The following FGF14 variants were observed in gnomAD, a reference collection of about 807,000 sequenced individuals.
FGF14 encodes the protein fibroblast growth factor homologous factor 4.
FGF14 carries 5 observed loss-of-function variants against 25.5 expected under a neutral mutation model. The observed-to-expected ratio is 0.20, with a 90% CI of 0.10 to 0.41. The LOEUF is 0.41. Among genes scored for constraint, FGF14 ranks in the 10% least tolerant of loss-of-function variants. The pLI is 1.00. For missense variants in FGF14, 222 were observed against 320.1 expected, an observed-to-expected ratio of 0.69 and a Z score of 2.34; for synonymous variants, 138 against 118.3, an observed-to-expected ratio of 1.17 and a Z score of -1.08.
intron 1 of FGF14, among the ~76,000 whole-genome samples, chr13:102,070,957 ACACAC>A: frequency 3.2e-5 from 1 of 31,548 alleles, no homozygotes; most frequent in East Asian, 2.0e-3. Flanking sequence ...ACAAAACAAA[ACACAC>A]ACACACACAC....
In FGF14 at chr13:102,178,267, A is replaced by G. The variant is rs1254968839; in HGVS notation, c.208+223204T>C. On this transcript the variant is annotated intron_variant, in intron 1 of 4. Coordinates refer to the FGF14 transcript ENST00000376131. ...ACCAAAACTTTCCAAAGTGAATCGT[A>G]ATTTTCACGTCCTGGAAAATGTGAC... Among the ~76,000 whole-genome samples, 3 of 152,234 alleles carry G rather than the reference A, an allele frequency of 2.0e-5. 1 individual carries two copies. Among genetic ancestry groups the G allele is most frequent in the Admixed American group, 2.0e-4 (3 of 15,284 alleles).
chr13:102,394,013 A>G (rs2058500036), intron 1 of FGF14, among the ~76,000 whole-genome samples: 1 of 152,242 alleles, frequency 6.6e-6, no homozygotes, highest in Admixed American at 6.5e-5. Flanking sequence ...CTAGAATATT[A>G]GAGCTGGGGC....
At chr13:102,117,479 T>A (rs2045527555) in intron 1 of FGF14, among the ~76,000 whole-genome samples, 1 of 152,194 alleles carries the variant, frequency 6.6e-6, no homozygotes, top group African/African-American at 2.4e-5. Flanking sequence ...AGGAATCACT[T>A]GGAGAGCTTT....
At chr13:102,179,668 C>A (rs1001001420) in intron 1 of FGF14, among the ~76,000 whole-genome samples, 15 of 152,106 alleles carry the variant, frequency 9.9e-5, no homozygotes, top group African/African-American at 3.6e-4. Flanking sequence ...TGTGAAGTAG[C>A]AGATCCCAAA....
At chr13:102,013,175 C>CA (rs1169323051) in intron 1 of FGF14, among the ~76,000 whole-genome samples, 2 of 151,592 alleles carry the variant, frequency 1.3e-5, no homozygotes, top group Non-Finnish European at 2.9e-5. Context: ...AAGAAACAAA[C>CA]AAAAAACACC....
rs1228120184 is a variant in FGF14, at chr13:101,718,944, G to A, written c.*3887C>T. The A allele has an allele frequency of 6.6e-6, 1 of 151,956 alleles. No homozygotes were observed. The highest frequency in any genetic ancestry group is 1.9e-4 in the East Asian group (1 of 5,160). 9.4% of individuals were successfully genotyped at this position (151,956 alleles called of 1,614,324 possible). ...ACTATTTCACTCAAAGTAAGACCAT[G>A]TACATCCTGGATTTTGATATGCCTG... On this transcript the variant is annotated 3_prime_UTR_variant, in exon 5 of 5. Transcript: ENST00000376143.
chr13:102,093,838 G>T lies in FGF14; in HGVS notation c.209-218542C>A, dbSNP rs554730637. Among the ~76,000 whole-genome samples the T allele has an allele frequency of 1.7e-4, 26 of 151,456 alleles. No homozygotes were observed. In the East Asian group the frequency reaches 2.9e-3, roughly 17 times the overall value. ...TAAAAAAAAAAAAAAAGGAAGGAGA[G>T]AGGAGAGGAGATAAGACTCATGAAG... On this transcript the variant is annotated intron_variant, in intron 1 of 4. Transcript: ENST00000376131.
At chr13:102,095,439 A>C (rs550878798) in intron 1 of FGF14, among the ~76,000 whole-genome samples, 1 of 152,316 alleles carries the variant, frequency 6.6e-6, no homozygotes. Flanking sequence ...CCATGAAAAC[A>C]AAGCAAATGG....
chr13:102,023,379 G>T (rs2040768917), intron 1 of FGF14, among the ~76,000 whole-genome samples: 1 of 151,948 alleles, frequency 6.6e-6, no homozygotes, highest in Non-Finnish European at 1.5e-5. Context: ...ATAGAGATTA[G>T]ACATCTCATG....
At chr13:102,032,432 C>T (rs942342071) in intron 1 of FGF14, among the ~76,000 whole-genome samples, 1 of 151,922 alleles carries the variant, frequency 6.6e-6, no homozygotes, top group African/African-American at 2.4e-5. Flanking sequence ...AAAAAAGGTG[C>T]GAGAACAGCC....
intron 3 of FGF14, among the ~76,000 whole-genome samples, chr13:101,854,559 C>T (rs1157547549): frequency 6.6e-6 from 1 of 152,104 alleles, no homozygotes; most frequent in African/African-American, 2.4e-5. Context: ...ATCACAATAT[C>T]TGAAGATTAA....
chr13:101,908,751 A>G (rs1482086057), intron 1 of FGF14, among the ~76,000 whole-genome samples: 1 of 152,234 alleles, frequency 6.6e-6, no homozygotes, highest in East Asian at 1.9e-4. Flanking sequence ...TTTAAAGTTC[A>G]TGTGGAACCA....
At chr13:102,238,179 A>C (rs1167531741) in intron 1 of FGF14, among the ~76,000 whole-genome samples, 3 of 152,230 alleles carry the variant, frequency 2.0e-5, no homozygotes, top group Non-Finnish European at 4.4e-5. Flanking sequence ...AATATTCTAA[A>C]ATATATTAAA....
chr13:101,872,522 T>C (rs1264901293), intron 2 of FGF14, among the ~76,000 whole-genome samples: 7 of 151,882 alleles, frequency 4.6e-5, no homozygotes, highest in Admixed American at 4.6e-4. Flanking sequence ...ATAAGATTCA[T>C]GAGACTATTG....
chr13:101,932,956 A>G (rs973812383), intron 1 of FGF14, among the ~76,000 whole-genome samples: 8 of 152,178 alleles, frequency 5.3e-5, no homozygotes, highest in African/African-American at 1.9e-4. Context: ...GAAACAGCTA[A>G]CGAGCTACAG....
intron 1 of FGF14, among the ~76,000 whole-genome samples, chr13:102,224,815 T>A (rs1285298305): frequency 1.3e-5 from 2 of 152,198 alleles, no homozygotes; most frequent in African/African-American, 4.8e-5. Context: ...ACAATAATCA[T>A]GGCTGTCTTA....
chr13:102,322,406 T>C (rs534481960), intron 1 of FGF14, among the ~76,000 whole-genome samples: 124 of 151,106 alleles, frequency 8.2e-4, no homozygotes, highest in African/African-American at 2.8e-3. Flanking sequence ...AATGCCAATG[T>C]ATAATTTATC....
intron 3 of FGF14, among the ~76,000 whole-genome samples, chr13:101,736,067 A>T (rs1462918835): frequency 1.3e-5 from 2 of 152,196 alleles, no homozygotes; most frequent in Non-Finnish European, 1.5e-5. Context: ...ATCAAAGTAG[A>T]GATTAGTGAT....
At chr13:102,004,361 G>A (rs1042410636) in intron 1 of FGF14, among the ~76,000 whole-genome samples, 1 of 152,168 alleles carries the variant, frequency 6.6e-6, no homozygotes, top group East Asian at 1.9e-4. Context: ...CATCAGACCA[G>A]ACTGGAATGT....
Sources: allele counts gnomAD v4.1 joint callset (sites outside exome capture counted in the v4.1 genomes callset), GRCh38; gene constraint gnomAD v4.1.1; transcripts MANE v1.5; gene names NCBI Gene and HGNC (gene_info 2026-07-23, HGNC 2026-07-21).